Variants in CYP2C19 observed in about 807,000 individuals in gnomAD.
The protein encoded by CYP2C19 is cytochrome P450 family 2 subfamily C member 19, also known as cytochrome P450 2C19.
A neutral mutation model predicts 40.9 loss-of-function variants in CYP2C19; 59 were observed. The observed-to-expected ratio is 1.44, with a 90% CI of 1.17 to 1.79. CYP2C19 has a LOEUF of 1.79. Among genes scored for constraint, CYP2C19 ranks in the 40% most tolerant of loss-of-function variants. CYP2C19 has a pLI of 0.00. For synonymous variants in CYP2C19, 253 were observed against 208.7 expected, an observed-to-expected ratio of 1.21 and a Z score of -1.83; for missense variants, 754 against 596.9, an observed-to-expected ratio of 1.26 and a Z score of -2.74.
At chr10:94,808,277 A>AT (rs1848863322) in intron 5 of CYP2C19, among the ~76,000 whole-genome samples, 2 of 129,330 alleles carry the variant, frequency 1.5e-5, no homozygotes, top group Middle Eastern at 3.7e-3. Context: ...GATTTATAGT[A>AT]ATTTTTGTGT....
chr10:94,816,247 T>TC (rs1355891340), intron 5 of CYP2C19, among the ~76,000 whole-genome samples: 3 of 151,468 alleles, frequency 2.0e-5, no homozygotes, highest in African/African-American at 7.2e-5. Context: ...TTTCTTTCTT[T>TC]TTTTTTTTCT....
At chr10:94,838,950 C>T (rs1849447716) in intron 6 of CYP2C19, among the ~76,000 whole-genome samples, 1 of 150,852 alleles carries the variant, frequency 6.6e-6, no homozygotes, top group Non-Finnish European at 1.5e-5. Context: ...CTTTCTTTGA[C>T]CCTTTCTTAG....
Position 94,854,137 on chromosome 10 carries a change from G to GC in CYP2C19, c.*1229dup, listed in dbSNP as rs1384221355. ...GGATTCAAGTGGTTCTCCTGCCTCA[G>GC]CCCCCCAAGTAGCTGGGATTACAGG... On this transcript the variant is annotated 3_prime_UTR_variant, in exon 9 of 9. Transcript: ENST00000371321. Among the ~76,000 whole-genome samples, 2 of 151,628 alleles carry GC rather than the reference G, an allele frequency of 1.3e-5. No individual in the cohort carries two copies. Among genetic ancestry groups the GC allele is most frequent in the Admixed American group, 6.6e-5 (1 of 15,212 alleles).
intron 5 of CYP2C19, among the ~76,000 whole-genome samples, chr10:94,784,290 T>C (rs1485803429): frequency 6.6e-6 from 1 of 152,176 alleles, no homozygotes; most frequent in Non-Finnish European, 1.5e-5. Context: ...CAAATTGTTA[T>C]TCATCTGTTT....
intron 7 of CYP2C19, among the ~76,000 whole-genome samples, chr10:94,848,882 T>A (rs1024591739): frequency 6.6e-6 from 1 of 152,244 alleles, no homozygotes; most frequent in Non-Finnish European, 1.5e-5. Flanking sequence ...TCTGTTTGTC[T>A]GTTATTGGTG....
intron 3 of CYP2C19, chr10:94,776,093 T>G (rs1848405456): frequency 6.4e-6 from 1 of 157,004 alleles, no homozygotes; most frequent in African/African-American, 2.4e-5. Context: ...TAGGCATATC[T>G]TAGTGTAGTT....
At chr10:94,852,338 A>C (rs1849665967) in intron 8 of CYP2C19, among the ~76,000 whole-genome samples, 1 of 152,184 alleles carries the variant, frequency 6.6e-6, no homozygotes, top group Admixed American at 6.6e-5. Context: ...GGAAATGCCG[A>C]ATGTGAGCCT....
intron 6 of CYP2C19, among the ~76,000 whole-genome samples, chr10:94,823,099 A>G (rs1355234808): frequency 1.3e-5 from 2 of 152,294 alleles, no homozygotes. Flanking sequence ...TAAACTTGTA[A>G]CCAAAAAGTC....
intron 5 of CYP2C19, among the ~76,000 whole-genome samples, chr10:94,815,372 G>T (rs899881493): frequency 3.9e-5 from 6 of 152,168 alleles, no homozygotes; most frequent in Admixed American, 6.5e-5. Flanking sequence ...TTTATTGCTG[G>T]CCTAGGGACT....
chr10:94,817,656 T>C (rs1192759077), intron 5 of CYP2C19, among the ~76,000 whole-genome samples: 3 of 150,126 alleles, frequency 2.0e-5, no homozygotes, highest in Non-Finnish European at 4.4e-5. Context: ...TTCTTGCCCA[T>C]GCCTATGTCC....
intron 6 of CYP2C19, among the ~76,000 whole-genome samples, chr10:94,829,964 C>CTCAGGGG (rs1849300616): frequency 6.6e-6 from 1 of 152,218 alleles, no homozygotes; most frequent in Non-Finnish European, 1.5e-5. Context: ...AGTTAGGCTG[C>CTCAGGGG]TCAGGGGTCA....
chr10:94,777,411 G>A (rs904929519), intron 3 of CYP2C19, among the ~76,000 whole-genome samples: 3 of 152,012 alleles, frequency 2.0e-5, no homozygotes, highest in Non-Finnish European at 2.9e-5. Context: ...ATACTACAAG[G>A]CTACAGTAGC....
rs555800261 is a variant in CYP2C19, at chr10:94,772,874, T to C, written c.169-2184T>C. On this transcript the variant is annotated intron_variant, in intron 1 of 8. Coordinates refer to ENST00000371321, the MANE Select transcript of CYP2C19 (RefSeq NM_000769.4). ...TTGGCTCGCTGCAAGCTCCGCTTCCTGGGTTCATGCCATTCTCCTGCCTCA... is the reference window on the plus strand; with the variant it reads ...TTGGCTCGCTGCAAGCTCCGCTTCCCGGGTTCATGCCATTCTCCTGCCTCA... 2.1e-3 allele frequency among the ~76,000 whole-genome samples: 317 copies of C among 152,014 alleles called. 2 individuals are homozygous for C. The highest frequency in any genetic ancestry group is 7.1e-3 in the African/African-American group (292 of 41,296).
At chr10:94,803,902 A>G (rs1848798916) in intron 5 of CYP2C19, among the ~76,000 whole-genome samples, 1 of 152,044 alleles carries the variant, frequency 6.6e-6, no homozygotes, top group South Asian at 2.1e-4. Context: ...CTGCCTGGAT[A>G]TGGAGCAGAG....
rs1255555477 is a variant in CYP2C19, at chr10:94,853,087, C to G, written c.*173C>G. 3.1e-6 allele frequency: 2 copies of G among 646,230 alleles called. No homozygotes were observed. The highest frequency in any genetic ancestry group is 3.7e-5 in the African/African-American group (2 of 54,682). The allele number at this position is 646,230 out of a possible 1,614,324, so 40.0% of individuals were successfully genotyped here. On this transcript the variant is annotated 3_prime_UTR_variant, in exon 9 of 9. Coordinates refer to ENST00000371321, the MANE Select transcript of CYP2C19 (RefSeq NM_000769.4). Reference sequence around the variant, plus strand: ...AAAAAGTTTCACTGTGCAAATATATCTGCTATTCCCCATACTCTATAATAG... The same window carrying G: ...AAAAAGTTTCACTGTGCAAATATATGTGCTATTCCCCATACTCTATAATAG...
At chr10:94,846,142 G>T (rs1210281015) in intron 7 of CYP2C19, among the ~76,000 whole-genome samples, 2 of 151,998 alleles carry the variant, frequency 1.3e-5, no homozygotes, top group African/African-American at 4.8e-5. Context: ...CTCCAGTCAA[G>T]AAACAGGCAC....
chr10:94,820,509 A>T lies in CYP2C19; in HGVS notation c.833A>T (p.Gln278Leu). The change falls in exon 6 of 9, where the codon CAA becomes CTA. Residue 278 changes from glutamine to leucine, a missense_variant. By Grantham distance (113) the Gln-to-Leu change is moderately radical. Transcript: ENST00000371321. ...AATCATTCCTAGGAAAAGCAAAACCAACAGTCTGAATTCACTATTGAAAAC... is the reference window on the plus strand; with the variant it reads ...AATCATTCCTAGGAAAAGCAAAACCTACAGTCTGAATTCACTATTGAAAAC... ...LIKMEKEKQN[Q>L]QSEFTIENLV... The T allele has an allele frequency of 1.9e-6, 3 of 1,614,172 alleles. No individual in the cohort carries two copies. Among genetic ancestry groups the T allele is most frequent in the Non-Finnish European group, 1.7e-6 (2 of 1,180,022 alleles).
At chr10:94,765,011 T>C (rs992650480) in intron 1 of CYP2C19, among the ~76,000 whole-genome samples, 1 of 152,146 alleles carries the variant, frequency 6.6e-6, no homozygotes, top group Admixed American at 6.5e-5. Flanking sequence ...TGCAGAGTCC[T>C]CCTTTCTCAG....
At chr10:94,825,118 C>T (rs1237341962) in intron 6 of CYP2C19, among the ~76,000 whole-genome samples, 2 of 139,118 alleles carry the variant, frequency 1.4e-5, no homozygotes, top group Admixed American at 7.3e-5. Context: ...AATAAACATA[C>T]GTGTGCATGT....
Sources: gnomAD v4.1 joint callset for allele counts (sites outside exome capture counted in the v4.1 genomes callset) on GRCh38, gnomAD v4.1.1 for gene constraint, MANE v1.5 for transcripts, NCBI Gene and HGNC (gene_info 2026-07-23, HGNC 2026-07-21) for gene names.